The following C2CD5 variants were observed in gnomAD, a reference collection of about 807,000 sequenced individuals.
C2CD5 encodes C2 calcium dependent domain containing 5.
A neutral mutation model predicts 130.3 loss-of-function variants in C2CD5; 109 were observed. The ratio of observed to expected loss-of-function variants is 0.84; its 90% CI spans 0.72 to 0.98. C2CD5 has a LOEUF of 0.98. Among genes scored for constraint, C2CD5 ranks in the 50% least tolerant of loss-of-function variants. C2CD5 has a pLI of 0.00. For synonymous variants in C2CD5, 454 were observed against 429.2 expected (o/e 1.06, Z -0.71); for missense variants, 996 against 1,261.8 (o/e 0.79, Z 3.19).
At chr12:22,483,870 G>A (rs180800659) in intron 13 of C2CD5, among the ~76,000 whole-genome samples, 5 of 152,218 alleles carry the variant, frequency 3.3e-5, no homozygotes, top group African/African-American at 4.8e-5. Flanking sequence ...AATGTGGAAC[G>A]CGTATGAGAT....
intron 14 of C2CD5, among the ~76,000 whole-genome samples, chr12:22,482,336 A>G (rs1044695891): frequency 2.6e-5 from 4 of 152,218 alleles, no homozygotes; most frequent in African/African-American, 9.7e-5. Context: ...GACAAATGAT[A>G]ATTTTTAGAA....
chr12:22,454,780 G>C (rs750785908), intron 25 of C2CD5, among the ~76,000 whole-genome samples: 23 of 152,074 alleles, frequency 1.5e-4, no homozygotes, highest in Non-Finnish European at 3.1e-4. Flanking sequence ...CCGTGCTCCA[G>C]TTCTACTAGA....
At chr12:22,458,611 GAAAA>G in intron 23 of C2CD5, 26 bp from the exon 24 acceptor site, 1 of 1,118,764 alleles carries the variant, frequency 8.9e-7, no homozygotes, top group Non-Finnish European at 1.1e-6. Flanking sequence ...GAAAACAAAA[GAAAA>G]AAACAAAGAA....
chr12:22,516,061 A>C (rs1007666325), intron 8 of C2CD5, among the ~76,000 whole-genome samples: 1 of 151,776 alleles, frequency 6.6e-6, no homozygotes, highest in African/African-American at 2.4e-5. Flanking sequence ...AAAAAAAAAA[A>C]ACAACTTTCT....
At chr12:22,470,996 C>T in intron 20 of C2CD5, 85 bp from the exon 21 acceptor site, 1 of 795,932 alleles carries the variant, frequency 1.3e-6, no homozygotes. Flanking sequence ...TACCACGGAA[C>T]AACCTACACC....
intron 3 of C2CD5, among the ~76,000 whole-genome samples, chr12:22,530,532 A>T (rs2137149264): frequency 6.6e-6 from 1 of 150,914 alleles, no homozygotes; most frequent in Admixed American, 6.6e-5. Context: ...ATCTCGACTC[A>T]CTGCAACCTC....
intron 11 of C2CD5, among the ~76,000 whole-genome samples, chr12:22,491,256 C>A (rs10505876): frequency 0.16 from 24,205 of 152,174 alleles, 3,834 homozygotes; most frequent in African/African-American, 0.41. Flanking sequence ...CATTTGCAGA[C>A]TCCTCCATCT....
In C2CD5 at chr12:22,474,885, A is replaced by G. The variant is rs1591996868; in HGVS notation, c.1909T>C (p.Ser637Pro). The change falls in exon 16 of 27, where the codon TCT becomes CCT. Residue 637 changes from serine (S) to proline (P), a missense_variant. This residue lies in a region of C2CD5 where 590 missense variants were observed against 631.4 expected (regional missense o/e 0.93). Coordinates refer to ENST00000446597, the MANE Select transcript of C2CD5 (RefSeq NM_001286176.2). Reference sequence around the variant, plus strand: ...ATGGGTGATCCTATAATCTCTTCAGATATCTCCTAAAAGAAATATAATTGT... The same window carrying G: ...ATGGGTGATCCTATAATCTCTTCAGGTATCTCCTAAAAGAAATATAATTGT... ...ELYEINPPEI[S>P]EEIIGSPIPE... The G allele has an allele frequency of 6.4e-7, 1 of 1,569,888 alleles. No individual in the cohort carries two copies. The highest frequency in any genetic ancestry group is 1.4e-5 in the African/African-American group (1 of 72,924).
intron 3 of C2CD5, among the ~76,000 whole-genome samples, chr12:22,534,228 T>C (rs1260131133): frequency 6.6e-6 from 1 of 152,086 alleles, no homozygotes; most frequent in African/African-American, 2.4e-5. Context: ...CTGCACTCCA[T>C]TATAAAAATT....
At chr12:22,503,797 C>T (rs1948119136) in intron 10 of C2CD5, among the ~76,000 whole-genome samples, 1 of 152,156 alleles carries the variant, frequency 6.6e-6, no homozygotes, top group Non-Finnish European at 1.5e-5. Context: ...CAGGTGTAAG[C>T]AACCGTGCCC....
At chr12:22,465,741 T>C (rs556121294) in intron 22 of C2CD5, among the ~76,000 whole-genome samples, 2 of 152,212 alleles carry the variant, frequency 1.3e-5, no homozygotes, top group South Asian at 4.1e-4. Flanking sequence ...ATATCAATGA[T>C]GAGAAAAACA....
chr12:22,526,551 A>C (rs187938332), intron 4 of C2CD5, among the ~76,000 whole-genome samples: 8 of 152,334 alleles, frequency 5.3e-5, no homozygotes, highest in Admixed American at 1.3e-4. Flanking sequence ...TATTCTTTTC[A>C]ATGAATATAA....
At chr12:22,481,602 C>A (rs574101551) in intron 14 of C2CD5, among the ~76,000 whole-genome samples, 2 of 150,752 alleles carry the variant, frequency 1.3e-5, no homozygotes, top group Non-Finnish European at 3.0e-5. Flanking sequence ...TAAGCTGAGA[C>A]ACAGCTTTTT....
At chr12:22,453,863 C>T in intron 26 of C2CD5, 33 bp downstream of exon 26, 1 of 1,602,340 alleles carries the variant, frequency 6.2e-7, no homozygotes, top group Non-Finnish European at 8.5e-7. Flanking sequence ...TTCTCAGGTT[C>T]CCGCCAATCA....
chr12:22,506,654 C>A, intron 10 of C2CD5, 57 bp downstream of exon 10: 1 of 1,008,960 alleles, frequency 9.9e-7, no homozygotes, highest in South Asian at 1.4e-5. Flanking sequence ...TCATAAAAAT[C>A]AATTTTAATA....
intron 16 of C2CD5, 68 bp from the exon 17 acceptor site, chr12:22,472,875 T>A: frequency 1.1e-6 from 1 of 903,768 alleles, no homozygotes; most frequent in Non-Finnish European, 1.8e-6. Context: ...TTAAAAGAAC[T>A]ATTAATAGAG....
At chr12:22,472,498 C>T in intron 17 of C2CD5, 151 bp from the exon 18 acceptor site, 1 of 614,222 alleles carries the variant, frequency 1.6e-6, no homozygotes, top group Non-Finnish European at 2.9e-6. Flanking sequence ...TTTAAACCAT[C>T]CTAATAAATT....
intron 16 of C2CD5, among the ~76,000 whole-genome samples, chr12:22,474,435 T>C (rs1189860292): frequency 2.0e-5 from 3 of 152,166 alleles, no homozygotes; most frequent in African/African-American, 7.2e-5. Flanking sequence ...TATAGTAAGT[T>C]AAAGAATGGC....
chr12:22,466,119 A>G (rs1280256007), intron 22 of C2CD5, among the ~76,000 whole-genome samples: 4 of 152,134 alleles, frequency 2.6e-5, no homozygotes, highest in Admixed American at 1.3e-4. Context: ...CCCATTTTCA[A>G]TAACACAAAA....
Sources: allele counts gnomAD v4.1 joint callset (sites outside exome capture counted in the v4.1 genomes callset), GRCh38; gene constraint gnomAD v4.1.1; regional missense constraint gnomAD v4.1.1; transcripts MANE v1.5; gene names NCBI Gene and HGNC (gene_info 2026-07-23, HGNC 2026-07-21).